Variants in FRMPD4 observed in about 807,000 individuals in gnomAD.
The protein encoded by FRMPD4 is FERM and PDZ domain containing 4.
In FRMPD4, 22 loss-of-function variants were observed where a neutral mutation model predicts 94.1. The ratio of observed to expected loss-of-function variants is 0.23; its 90% CI spans 0.17 to 0.33. FRMPD4 has a LOEUF of 0.33. Among genes scored for constraint, FRMPD4 ranks in the 10% least tolerant of loss-of-function variants. FRMPD4 has a pLI of 1.00. For synonymous variants in FRMPD4, 631 were observed against 548.6 expected, an observed-to-expected ratio of 1.15 and a Z score of -2.10; for missense variants, 1,111 against 1,339.9, an observed-to-expected ratio of 0.83 and a Z score of 2.67.
At chrX:12,074,776 G>A (rs1407235042) in intron 3 of FRMPD4, among the ~76,000 whole-genome samples, 1 of 112,495 alleles carries the variant, frequency 8.9e-6, no homozygotes, top group Non-Finnish European at 1.9e-5. Flanking sequence ...GCTCTGTGTG[G>A]ATCTTGCACC....
intron 4 of FRMPD4, among the ~76,000 whole-genome samples, chrX:12,629,438 A>G (rs908952379): frequency 1.2e-4 from 13 of 112,248 alleles, no homozygotes; most frequent in Non-Finnish European, 2.3e-4. Flanking sequence ...TCTGAGTTCA[A>G]GTTCTACCTC....
At chrX:12,239,406 G>A (rs970133806) in intron 1 of FRMPD4, among the ~76,000 whole-genome samples, 1 of 112,836 alleles carries the variant, frequency 8.9e-6, no homozygotes, top group African/African-American at 3.2e-5. Flanking sequence ...GAAGCAGTTT[G>A]TATGGTATCT....
At chrX:12,047,122 GTTATATATGTGTTT>G (rs2054790011) in intron 3 of FRMPD4, among the ~76,000 whole-genome samples, 1 of 108,044 alleles carries the variant, frequency 9.3e-6, no homozygotes, top group Admixed American at 9.9e-5. Context: ...TATATATATG[GTTATATATGTGTTT>G]TTATATATGT....
intron 1 of FRMPD4, among the ~76,000 whole-genome samples, chrX:12,292,509 C>A: frequency 9.0e-6 from 1 of 110,595 alleles, no homozygotes; most frequent in Non-Finnish European, 1.9e-5. Context: ...TTGTGTATTC[C>A]ATGTCAATCG....
chrX:12,019,120 T>G (rs975204419), intron 3 of FRMPD4, among the ~76,000 whole-genome samples: 1 of 111,449 alleles, frequency 9.0e-6, no homozygotes, highest in Non-Finnish European at 1.9e-5. Context: ...TCTTATCCAT[T>G]CAGAACCCAC....
At chrX:11,986,693 G>A (rs1008415779) in intron 3 of FRMPD4, among the ~76,000 whole-genome samples, 2 of 111,342 alleles carry the variant, frequency 1.8e-5, no homozygotes, top group African/African-American at 6.5e-5. Flanking sequence ...AAGAAAAAGA[G>A]AGAAGACCCA....
intron 1 of FRMPD4, among the ~76,000 whole-genome samples, chrX:12,238,694 T>C (rs1285903066): frequency 8.9e-6 from 1 of 112,445 alleles, no homozygotes; most frequent in Non-Finnish European, 1.9e-5. Flanking sequence ...TAATTCTGTA[T>C]AATACAAAGT....
intron 3 of FRMPD4, among the ~76,000 whole-genome samples, chrX:12,046,420 A>G (rs2054785647): frequency 9.1e-6 from 1 of 110,212 alleles, no homozygotes; most frequent in Non-Finnish European, 1.9e-5. Context: ...TCCTCCAATT[A>G]AATTCTGACA....
intron 3 of FRMPD4, among the ~76,000 whole-genome samples, chrX:11,878,200 A>G (rs759706294): frequency 8.9e-6 from 1 of 112,315 alleles, no homozygotes; most frequent in East Asian, 2.8e-4. Context: ...AGGCAATTCA[A>G]AAATTTAAAA....
At chrX:12,433,309 C>T (rs775992644) in intron 1 of FRMPD4, among the ~76,000 whole-genome samples, 2 of 111,939 alleles carry the variant, frequency 1.8e-5, no homozygotes, top group Non-Finnish European at 3.8e-5. Context: ...CCTCCATGGA[C>T]GCAACAGTGC....
At chrX:12,324,282 C>T (rs1027974499) in intron 1 of FRMPD4, among the ~76,000 whole-genome samples, 1 of 112,187 alleles carries the variant, frequency 8.9e-6, no homozygotes, top group Non-Finnish European at 1.9e-5. Context: ...TGCCAACACG[C>T]ACTCTAAAAT....
In FRMPD4 at chrX:11,830,883, A is replaced by AT. The variant is rs775086220; in HGVS notation, c.-161+8174dup. Among the ~76,000 whole-genome samples the AT allele has an allele frequency of 4.5e-5, 5 of 111,451 alleles. No individual in the cohort carries two copies. The South Asian group carries it at 1.9e-3, about 42-fold the overall frequency. ...ATATGAAGGTCTTAATAAGGACTTT[A>AT]TTTTTTATGGGATAATTTTGAGCAA... On this transcript the variant is annotated intron_variant, in intron 1 of 18. Transcript: ENST00000640291.
At chrX:12,093,650 T>G (rs979148956) in intron 3 of FRMPD4, among the ~76,000 whole-genome samples, 11 of 106,837 alleles carry the variant, frequency 1.0e-4, no homozygotes, top group Non-Finnish European at 2.1e-4. Flanking sequence ...GTCTGCCAGA[T>G]GAGCAAATCA....
chrX:11,859,013 A>G (rs376265635), intron 1 of FRMPD4, among the ~76,000 whole-genome samples: 1 of 112,100 alleles, frequency 8.9e-6, no homozygotes, highest in African/African-American at 3.2e-5. Context: ...CTAGCTGTCA[A>G]ATAATTTATT....
At chrX:12,438,554 A>G (rs760035777) in intron 1 of FRMPD4, among the ~76,000 whole-genome samples, 2 of 111,148 alleles carry the variant, frequency 1.8e-5, no homozygotes, top group African/African-American at 3.3e-5. Context: ...TTCTTATTTT[A>G]GAGAGAAGGA....
intron 2 of FRMPD4, among the ~76,000 whole-genome samples, chrX:11,872,497 A>G (rs141883551): frequency 1.8e-5 from 2 of 112,342 alleles, no homozygotes; most frequent in Non-Finnish European, 3.8e-5. Flanking sequence ...GTTGAGAAAG[A>G]TTGGTTTTAT....
chrX:12,412,986 A>C (rs2056754023), intron 1 of FRMPD4, among the ~76,000 whole-genome samples: 2 of 111,083 alleles, frequency 1.8e-5, no homozygotes, highest in Admixed American at 9.5e-5. Flanking sequence ...GTAAAAAAAA[A>C]AAACACACAT....
intron 4 of FRMPD4, among the ~76,000 whole-genome samples, chrX:12,673,808 G>T (rs1370064426): frequency 9.0e-6 from 1 of 110,828 alleles, no homozygotes; most frequent in Non-Finnish European, 1.9e-5. Context: ...TCCTTTCCCT[G>T]CCCTCTTGAT....
At chrX:12,258,324 GT>G (rs1425441593) in intron 1 of FRMPD4, among the ~76,000 whole-genome samples, 9 of 110,499 alleles carry the variant, frequency 8.1e-5, no homozygotes, top group Non-Finnish European at 1.5e-4. Flanking sequence ...TATTGTGGAA[GT>G]GGGTTAGTTA....
Sources: gnomAD v4.1 joint callset for allele counts (sites outside exome capture counted in the v4.1 genomes callset) on GRCh38, gnomAD v4.1.1 for gene constraint, MANE v1.5 for transcripts, NCBI Gene and HGNC (gene_info 2026-07-23, HGNC 2026-07-21) for gene names.